KCNMA1: variants seen among roughly 807,000 people sequenced by gnomAD.
KCNMA1 encodes the protein potassium calcium-activated channel subfamily M alpha 1.
KCNMA1 carries 29 observed loss-of-function variants against 140.0 expected under a neutral mutation model. The observed-to-expected ratio is 0.21, with a 90% CI of 0.15 to 0.28. KCNMA1 has a LOEUF of 0.28. KCNMA1 is among the 10% of genes least tolerant of loss of function. The probability of loss-of-function intolerance (pLI) is 1.00; values close to 1 mark genes in which losing one functional copy is unlikely to be tolerated. For missense variants in KCNMA1, 880 were observed against 1,602.2 expected (o/e 0.55, Z 7.70); for synonymous variants, 612 against 611.9 (o/e 1.00, Z 0.00).
At chr10:77,204,336 C>A (rs910181952) in intron 3 of KCNMA1, among the ~76,000 whole-genome samples, 1 of 152,062 alleles carries the variant, frequency 6.6e-6, no homozygotes, top group Non-Finnish European at 1.5e-5. Flanking sequence ...CCTCACTAGC[C>A]ATGAGAGGTC....
chr10:77,580,623 C>T (rs1222480995), intron 1 of KCNMA1, among the ~76,000 whole-genome samples: 1 of 152,142 alleles, frequency 6.6e-6, no homozygotes, highest in East Asian at 1.9e-4. Flanking sequence ...TCTCTGGATC[C>T]ATGTGGCCTG....
intron 2 of KCNMA1, among the ~76,000 whole-genome samples, chr10:77,331,235 T>C (rs867296254): frequency 1.3e-5 from 2 of 152,290 alleles, no homozygotes; most frequent in Middle Eastern, 3.4e-3. Context: ...CCTCTGACAC[T>C]GGCAGCAGGT....
intron 2 of KCNMA1, among the ~76,000 whole-genome samples, chr10:77,353,970 T>TTG (rs2093192779): frequency 1.6e-4 from 15 of 92,936 alleles, no homozygotes; most frequent in African/African-American, 6.2e-4. Context: ...CCTCTTTTTT[T>TTG]GGGGGGGGGG....
intron 2 of KCNMA1, among the ~76,000 whole-genome samples, chr10:77,252,681 TGA>T (rs1283493031): frequency 6.6e-6 from 1 of 152,114 alleles, no homozygotes; most frequent in Non-Finnish European, 1.5e-5. Context: ...GAAATCTGCA[TGA>T]GATACTCATT....
intron 15 of KCNMA1, among the ~76,000 whole-genome samples, chr10:77,034,709 GAGTTCCCCA>G (rs1368027715): frequency 2.0e-5 from 3 of 152,176 alleles, no homozygotes; most frequent in African/African-American, 7.2e-5. Flanking sequence ...GATCTGATTG[GAGTTCCCCA>G]AGTTCCCCAG....
At chr10:76,996,405 C>A (rs1385128721) in intron 19 of KCNMA1, among the ~76,000 whole-genome samples, 1 of 152,210 alleles carries the variant, frequency 6.6e-6, no homozygotes, top group African/African-American at 2.4e-5. Context: ...TCTTAAGAAG[C>A]CCCTTCCAGG....
chr10:77,483,518 A>C (rs1010307425), intron 1 of KCNMA1, among the ~76,000 whole-genome samples: 3 of 152,166 alleles, frequency 2.0e-5, no homozygotes, highest in Admixed American at 6.5e-5. Context: ...ACTGGGGTGG[A>C]GGGCTCTCTT....
chr10:77,226,719 C>A (rs1351058360), intron 3 of KCNMA1, among the ~76,000 whole-genome samples: 2 of 152,152 alleles, frequency 1.3e-5, no homozygotes, highest in Non-Finnish European at 2.9e-5. Flanking sequence ...CTTTCCTTTG[C>A]CCAGCCCAGG....
chr10:77,496,216 A>G (rs1251314563), intron 1 of KCNMA1, among the ~76,000 whole-genome samples: 1 of 151,892 alleles, frequency 6.6e-6, no homozygotes, highest in Non-Finnish European at 1.5e-5. Flanking sequence ...CCTGTCTGTC[A>G]CCCTCCTCAC....
intron 1 of KCNMA1, among the ~76,000 whole-genome samples, chr10:77,507,215 A>C (rs1184845335): frequency 1.3e-5 from 2 of 152,246 alleles, no homozygotes; most frequent in Non-Finnish European, 2.9e-5. Context: ...ATGGAACACC[A>C]TGGGAAAATG....
chr10:76,956,793 G>T (rs1443483747), intron 20 of KCNMA1, among the ~76,000 whole-genome samples: 1 of 152,106 alleles, frequency 6.6e-6, no homozygotes, highest in Non-Finnish European at 1.5e-5. Context: ...TTCATATCCT[G>T]GTATTTGGGT....
At chr10:77,094,254 C>CA (rs1273278435) in intron 9 of KCNMA1, among the ~76,000 whole-genome samples, 6 of 152,176 alleles carry the variant, frequency 3.9e-5, no homozygotes, top group Admixed American at 6.5e-5. Flanking sequence ...TTCCTTAAGT[C>CA]ATATATGCCT....
intron 3 of KCNMA1, among the ~76,000 whole-genome samples, chr10:77,191,850 TG>T (rs1429060102): frequency 6.6e-6 from 1 of 152,204 alleles, no homozygotes; most frequent in Admixed American, 6.6e-5. Context: ...CTGGCTTTAC[TG>T]GGAAGTCATC....
chr10:76,928,409 T>C (rs1463296499), intron 23 of KCNMA1, among the ~76,000 whole-genome samples: 1 of 152,008 alleles, frequency 6.6e-6, no homozygotes, highest in African/African-American at 2.4e-5. Flanking sequence ...TTCCCCACAT[T>C]GGAACTCAGA....
chr10:76,969,362 G>C (rs1416158583), intron 20 of KCNMA1, among the ~76,000 whole-genome samples: 2 of 152,116 alleles, frequency 1.3e-5, no homozygotes, highest in African/African-American at 2.4e-5. Flanking sequence ...CATGCATGCT[G>C]TATTTCATAA....
intron 1 of KCNMA1, chr10:77,493,849 A>T (rs1239023362): frequency 6.7e-6 from 1 of 150,328 alleles, no homozygotes; most frequent in Non-Finnish European, 1.5e-5. Flanking sequence ...CCTCCAAAGC[A>T]CTGGAAGACT....
At chr10:77,262,146 T>A (rs994485469) in intron 2 of KCNMA1, among the ~76,000 whole-genome samples, 1 of 152,096 alleles carries the variant, frequency 6.6e-6, no homozygotes, top group Non-Finnish European at 1.5e-5. Context: ...AGCCAAAAGG[T>A]AGAAGCAACC....
intron 2 of KCNMA1, among the ~76,000 whole-genome samples, chr10:77,331,833 A>G (rs2086552742): frequency 6.6e-6 from 1 of 152,126 alleles, no homozygotes; most frequent in Non-Finnish European, 1.5e-5. Context: ...GTATATATAT[A>G]TAAAATAGGT....
rs575820746 is a variant in KCNMA1, at chr10:77,185,033, A to G, written c.603-117T>C. The G allele has an allele frequency of 1.6e-5, 12 of 758,848 alleles. No homozygotes were observed. In the South Asian group the frequency reaches 1.7e-4, roughly 11 times the overall value. 47.0% of individuals were successfully genotyped at this position (758,848 alleles called of 1,614,324 possible). On this transcript the variant is annotated intron_variant, in intron 3 of 27. Transcript: ENST00000286628. ...AGACGATGAAATGAATATTCATAAA[A>G]GAAAACATTTGGTCTTTCTGCCTCC...
Sources: gnomAD v4.1 joint callset for allele counts (sites outside exome capture counted in the v4.1 genomes callset) on GRCh38, gnomAD v4.1.1 for gene constraint, MANE v1.5 for transcripts, NCBI Gene and HGNC (gene_info 2026-07-23, HGNC 2026-07-21) for gene names.